The following TRPM3 variants were observed in gnomAD, a reference collection of about 807,000 sequenced individuals.
TRPM3 encodes the protein transient receptor potential cation channel subfamily M member 3, also known as long transient receptor potential channel 3.
A neutral mutation model predicts 181.2 loss-of-function variants in TRPM3; 77 were observed. The ratio of observed to expected loss-of-function variants is 0.42; its 90% CI spans 0.35 to 0.51. The LOEUF (loss-of-function observed/expected upper bound fraction) is 0.51. Ranked by LOEUF, TRPM3 falls within the 20% of genes least tolerant of loss-of-function variation. TRPM3 has a pLI of 0.01. For missense variants in TRPM3, 1,759 were observed against 2,196.7 expected (o/e 0.80, Z 3.98); for synonymous variants, 745 against 796.4 (o/e 0.94, Z 1.09).
chr9:71,340,297 G>A (rs2090868973), intron 1 of TRPM3, among the ~76,000 whole-genome samples: 1 of 152,090 alleles, frequency 6.6e-6, no homozygotes, highest in Non-Finnish European at 1.5e-5. Flanking sequence ...TGATGGTTTT[G>A]TTATATATGC....
chr9:71,290,658 A>G (rs1226318960), intron 1 of TRPM3, among the ~76,000 whole-genome samples: 2 of 152,128 alleles, frequency 1.3e-5, no homozygotes, highest in Admixed American at 1.3e-4. Flanking sequence ...ATATAGAAAA[A>G]TAAAACAGGT....
Position 70,625,074 on chromosome 9 carries a change from T to A in TRPM3, c.1809+117A>T. ...CATTACTTTTCTTTGATTGTTTAGG[T>A]TCACTCTCAGCGCAATTTTCTGATT... On this transcript the variant is annotated intron_variant, in intron 14 of 25. Coordinates refer to ENST00000677713, the MANE Select transcript of TRPM3 (RefSeq NM_001366145.2). The surrounding 1 kb of genome is among the most constrained non-coding windows in gnomAD (Gnocchi z 4.8). 1 of 1,126,424 alleles carries A rather than the reference T, an allele frequency of 8.9e-7. No individual in the cohort carries two copies. Among genetic ancestry groups the A allele is most frequent in the South Asian group, 1.8e-5 (1 of 57,060 alleles). The allele number at this position is 1,126,424 out of a possible 1,614,324, so 69.8% of individuals were successfully genotyped here. A position where few individuals can be genotyped will look rare whatever the true frequency, so the allele number is the denominator to read the frequency against.
chr9:70,809,140 A>T (rs2091345125), intron 6 of TRPM3, among the ~76,000 whole-genome samples: 1 of 152,242 alleles, frequency 6.6e-6, no homozygotes, highest in Admixed American at 6.5e-5. Context: ...AAGCAAATGA[A>T]GAAAATATTT....
chr9:70,958,488 T>C (rs1046382710), intron 1 of TRPM3, among the ~76,000 whole-genome samples: 5 of 152,110 alleles, frequency 3.3e-5, no homozygotes, highest in African/African-American at 1.2e-4. Flanking sequence ...TGGTGTGAGA[T>C]GGTATCTCAT....
chr9:71,306,708 T>A (rs2087363573), intron 1 of TRPM3, among the ~76,000 whole-genome samples: 4 of 152,138 alleles, frequency 2.6e-5, no homozygotes, highest in Admixed American at 2.6e-4. Flanking sequence ...ACCCTGTCTC[T>A]ACTAAAAATA....
chr9:71,047,810 T>TCACACACACACA (rs56653631), intron 1 of TRPM3, among the ~76,000 whole-genome samples: 4 of 141,528 alleles, frequency 2.8e-5, no homozygotes, highest in Non-Finnish European at 6.1e-5. Context: ...ACTGGCTGCA[T>TCACACACACACA]CACACACACA....
chr9:70,799,122 C>T (rs4143733), intron 6 of TRPM3, among the ~76,000 whole-genome samples: 28,376 of 152,208 alleles, frequency 0.19, 3,241 homozygotes, highest in East Asian at 0.48. Flanking sequence ...CATTCTTCCC[C>T]TTGCTGGAAG....
At chr9:71,322,101 A>T (rs2089276457) in intron 1 of TRPM3, among the ~76,000 whole-genome samples, 1 of 152,154 alleles carries the variant, frequency 6.6e-6, no homozygotes, top group African/African-American at 2.4e-5. Flanking sequence ...AGCTTTTATC[A>T]ACATTTTTGG....
At position 71,373,010 on chromosome 9, in the gene TRPM3, C is replaced by A. The variant is rs572404647; in HGVS notation, c.183+73643G>T. 2.6e-5 allele frequency among the ~76,000 whole-genome samples: 4 copies of A among 152,246 alleles called. No homozygotes were observed. In the East Asian group the frequency reaches 7.7e-4, roughly 29 times the overall value. Reference sequence around the variant, plus strand: ...AAATACATGGGAATTGAACAACCTGCTGCTGAATGACTCTTGGGTAAACAA... The same window carrying A: ...AAATACATGGGAATTGAACAACCTGATGCTGAATGACTCTTGGGTAAACAA... On this transcript the variant is annotated intron_variant, in intron 1 of 24. Transcript: ENST00000357533.
At chr9:70,788,788 G>A (rs1463642470) in intron 6 of TRPM3, among the ~76,000 whole-genome samples, 1 of 152,092 alleles carries the variant, frequency 6.6e-6, no homozygotes, top group Non-Finnish European at 1.5e-5. Flanking sequence ...TCAGGCATTA[G>A]GTTCTCATAA....
At chr9:70,911,338 A>G (rs1188077389) in intron 1 of TRPM3, among the ~76,000 whole-genome samples, 1 of 152,192 alleles carries the variant, frequency 6.6e-6, no homozygotes, top group Non-Finnish European at 1.5e-5. Flanking sequence ...ACTTTTAAAC[A>G]GTGGTCTTCC....
intron 8 of TRPM3, among the ~76,000 whole-genome samples, chr9:70,750,637 G>A (rs535549861): frequency 3.3e-5 from 5 of 152,250 alleles, no homozygotes; most frequent in African/African-American, 7.2e-5. Context: ...AGACACTGCC[G>A]AAAGAAACTC....
chr9:70,896,789 C>A (rs188092309), intron 1 of TRPM3, among the ~76,000 whole-genome samples: 2,491 of 148,920 alleles, frequency 0.017, 38 homozygotes, highest in South Asian at 0.045. Flanking sequence ...TAACAAATAA[C>A]AATGATGAGA....
chr9:70,868,344 A>G (rs370696352), intron 1 of TRPM3, among the ~76,000 whole-genome samples: 14 of 152,216 alleles, frequency 9.2e-5, no homozygotes, highest in East Asian at 7.7e-4. Flanking sequence ...TGAACAAAGT[A>G]TAATGATTAC....
chr9:71,421,171 T>C (rs897504507), intron 1 of TRPM3, among the ~76,000 whole-genome samples: 2 of 151,596 alleles, frequency 1.3e-5, no homozygotes, highest in Non-Finnish European at 2.9e-5. Flanking sequence ...TGGATAAACA[T>C]GGACATAAAG....
chr9:71,012,280 A>T (rs886796760), intron 1 of TRPM3, among the ~76,000 whole-genome samples: 2 of 152,172 alleles, frequency 1.3e-5, no homozygotes, highest in South Asian at 2.1e-4. Context: ...GATTAGAGAT[A>T]CCACTTTTTC....
At chr9:70,651,468 C>T (rs2059590039) in intron 9 of TRPM3, among the ~76,000 whole-genome samples, 1 of 152,114 alleles carries the variant, frequency 6.6e-6, no homozygotes, top group South Asian at 2.1e-4. Context: ...CTGACGTGGC[C>T]CACTGCCTCT....
upstream of TRPM3, among the ~76,000 whole-genome samples, chr9:71,124,184 G>A (rs1279262185): frequency 6.6e-6 from 1 of 152,034 alleles, no homozygotes; most frequent in Non-Finnish European, 1.5e-5. Context: ...GACGCTTTGT[G>A]CCAGAATTGT....
chr9:71,210,812 G>A (rs1352612298), intron 1 of TRPM3, among the ~76,000 whole-genome samples: 1 of 152,176 alleles, frequency 6.6e-6, no homozygotes, highest in Non-Finnish European at 1.5e-5. Context: ...CTAAGGTCAA[G>A]GTGCCACCCA....
Sources: allele counts gnomAD v4.1 joint callset (sites outside exome capture counted in the v4.1 genomes callset), GRCh38; gene constraint gnomAD v4.1.1; non-coding constraint Gnocchi (gnomAD v3.1); transcripts MANE v1.5; gene names NCBI Gene and HGNC (gene_info 2026-07-23, HGNC 2026-07-21).